Variants in MEAF6 observed in about 807,000 individuals in gnomAD.
MEAF6 encodes the protein chromatin modification-related protein MEAF6.
In MEAF6, 15 loss-of-function variants were observed where a neutral mutation model predicts 28.9. That is an observed-to-expected ratio of 0.52 (90% CI 0.35 to 0.80). The LOEUF is 0.80. Among genes scored for constraint, MEAF6 ranks in the 30% least tolerant of loss-of-function variants. The pLI, the probability that MEAF6 is intolerant of heterozygous loss-of-function variation, is 0.01. For synonymous variants in MEAF6, 97 were observed against 88.7 expected (o/e 1.09, Z -0.53); for missense variants, 178 against 237.5 (o/e 0.75, Z 1.65).
chr1:37,495,743 A>G, intron 6 of MEAF6, 142 bp downstream of exon 6: 1 of 626,738 alleles, frequency 1.6e-6, no homozygotes, highest in African/African-American at 1.9e-5. Flanking sequence ...TAAAAGTTGA[A>G]GTATATCCAG....
chr1:37,511,913 T>A (rs982855280), intron 2 of MEAF6, among the ~76,000 whole-genome samples: 1 of 152,216 alleles, frequency 6.6e-6, no homozygotes, highest in African/African-American at 2.4e-5. Context: ...ATTGAGGAAA[T>A]TTTAATAAAG....
chr1:37,495,697 C>CAAAAAAAAAAAAAAAAAA (rs1373520573), intron 6 of MEAF6, among the ~76,000 whole-genome samples, 188 bp downstream of exon 6: 4 of 92,668 alleles, frequency 4.3e-5, no homozygotes, highest in East Asian at 3.1e-4. Flanking sequence ...AAAAAAAAAA[C>CAAAAAAAAAAAAAAAAAA]AAAAAACAAA....
rs998896310 is a variant in MEAF6, at chr1:37,492,364, T to C, written c.*1735A>G. Among the ~76,000 whole-genome samples, 4 of 151,904 alleles carry C rather than the reference T, an allele frequency of 2.6e-5. No individual in the cohort carries two copies. Among genetic ancestry groups the C allele is most frequent in the African/African-American group, 9.7e-5 (4 of 41,362 alleles). On this transcript the variant is annotated 3_prime_UTR_variant, in exon 7 of 7. Transcript: ENST00000296214. ...AATATTTTAAGGTCTGCTGTGTGCT[T>C]TCCCCAAAAGGAAGGAAACTGTAGG...
intron 5 of MEAF6, among the ~76,000 whole-genome samples, chr1:37,498,375 G>A (rs1421447098): frequency 3.3e-5 from 5 of 150,870 alleles, no homozygotes; most frequent in Non-Finnish European, 7.4e-5. Context: ...ATTTTTTATA[G>A]TAACAGAAAC....
Position 37,514,708 on chromosome 1 carries a change from C to A in MEAF6, c.39G>T (p.Pro13=), listed in dbSNP as rs760010557. ...MHNKAAPPQI[P]DTRRELAELV... ...GCTCCGCCAGCTCCCGCCGGGTGTC[C>A]GGGATCTGCGGCGGCGCCGCCTTGT... The change falls in exon 1 of 7, where the codon CCG becomes CCT. Residue 13 remains proline (P), a synonymous_variant. Transcript: ENST00000296214. 6.5e-7 allele frequency: 1 copy of A among 1,532,868 alleles called. No homozygotes were observed. The highest frequency in any genetic ancestry group is 1.7e-4 in the Middle Eastern group (1 of 5,810). The allele number at this position is 1,532,868 out of a possible 1,614,324, so 95.0% of individuals were successfully genotyped here. A position where few individuals can be genotyped will look rare whatever the true frequency, so the allele number is the denominator to read the frequency against.
chr1:37,502,493 C>A (rs1416788310), intron 4 of MEAF6, among the ~76,000 whole-genome samples: 1 of 150,578 alleles, frequency 6.6e-6, no homozygotes. Flanking sequence ...AAAGGGGGGG[C>A]CAAAGAGGGA....
At chr1:37,508,704 T>A (rs1185082907) in intron 4 of MEAF6, among the ~76,000 whole-genome samples, 1 of 152,222 alleles carries the variant, frequency 6.6e-6, no homozygotes, top group Non-Finnish European at 1.5e-5. Context: ...ATAAGATTTA[T>A]CAGTAATGAA....
intron 2 of MEAF6, among the ~76,000 whole-genome samples, chr1:37,510,211 G>C (rs1031824628): frequency 1.3e-5 from 2 of 151,548 alleles, no homozygotes; most frequent in Non-Finnish European, 2.9e-5. Flanking sequence ...AGAGTAGCCT[G>C]GGATTACAGG....
intron 5 of MEAF6, among the ~76,000 whole-genome samples, chr1:37,500,486 T>C (rs1044057867): frequency 2.0e-5 from 3 of 152,064 alleles, no homozygotes; most frequent in African/African-American, 7.3e-5. Flanking sequence ...TATGAAGAGG[T>C]AGATATACAA....
chr1:37,503,658 C>CAAAAAA (rs773565571), intron 4 of MEAF6, among the ~76,000 whole-genome samples: 14 of 47,948 alleles, frequency 2.9e-4, no homozygotes, highest in South Asian at 7.7e-4. Context: ...AAGACTGTCT[C>CAAAAAA]AAAAAAAAAA....
intron 4 of MEAF6, among the ~76,000 whole-genome samples, chr1:37,504,798 T>TACACACAC (rs1369558795): frequency 9.0e-6 from 1 of 110,514 alleles, no homozygotes; most frequent in Admixed American, 9.6e-5. Context: ...AAAAAATTTA[T>TACACACAC]ATACACACAC....
chr1:37,493,896 A>C lies in MEAF6; in HGVS notation c.*203T>G. ...TCTTCCTGCAGTTCTGTTACTAAAA[A>C]TGACATAAAGTAAGACCCAATGTCT... On this transcript the variant is annotated 3_prime_UTR_variant, in exon 7 of 7. Coordinates refer to ENST00000296214, the MANE Select transcript of MEAF6 (RefSeq NM_001270875.3). 8 of 1,582,278 alleles carry C rather than the reference A, an allele frequency of 5.1e-6. No homozygotes were observed. The highest frequency in any genetic ancestry group is 6.0e-6 in the Non-Finnish European group (7 of 1,165,928).
intron 3 of MEAF6, 53 bp downstream of exon 3, chr1:37,509,402 A>C: frequency 6.2e-7 from 1 of 1,608,510 alleles, no homozygotes; most frequent in Non-Finnish European, 8.5e-7. Flanking sequence ...TAAAGAAAAA[A>C]CACATTCCCC....
At chr1:37,505,958 T>C (rs911567683) in intron 4 of MEAF6, among the ~76,000 whole-genome samples, 2 of 152,104 alleles carry the variant, frequency 1.3e-5, no homozygotes, top group African/African-American at 4.8e-5. Context: ...CAGACATAAA[T>C]GTAAGAGCTA....
chr1:37,502,901 T>C (rs1005993234), intron 4 of MEAF6, among the ~76,000 whole-genome samples: 1 of 152,086 alleles, frequency 6.6e-6, no homozygotes, highest in African/African-American at 2.4e-5. Context: ...ATTACAGGCA[T>C]GAGCCACCAC....
intron 2 of MEAF6, among the ~76,000 whole-genome samples, chr1:37,512,959 G>A (rs1399392573): frequency 6.6e-6 from 1 of 152,078 alleles, no homozygotes; most frequent in Non-Finnish European, 1.5e-5. Flanking sequence ...GGGAGGCCAA[G>A]GCAGCAGATC....
intron 5 of MEAF6, among the ~76,000 whole-genome samples, chr1:37,497,379 T>G (rs930158564): frequency 6.6e-6 from 1 of 151,674 alleles, no homozygotes; most frequent in African/African-American, 2.4e-5. Context: ...TTATATGTTC[T>G]AAACATGTCC....
intron 5 of MEAF6, among the ~76,000 whole-genome samples, chr1:37,499,774 G>A (rs1364442906): frequency 1.3e-5 from 2 of 152,324 alleles, no homozygotes; most frequent in East Asian, 3.9e-4. Context: ...AGGATAGGAA[G>A]AAGTATTGTT....
intron 4 of MEAF6, among the ~76,000 whole-genome samples, chr1:37,508,471 G>A (rs1642560395): frequency 6.6e-6 from 1 of 151,810 alleles, no homozygotes; most frequent in African/African-American, 2.4e-5. Context: ...TAGAGACAGA[G>A]TCTTGCTTTG....
Sources: gnomAD v4.1 joint callset for allele counts (sites outside exome capture counted in the v4.1 genomes callset) on GRCh38, gnomAD v4.1.1 for gene constraint, MANE v1.5 for transcripts, NCBI Gene and HGNC (gene_info 2026-07-23, HGNC 2026-07-21) for gene names.